UBE4B: variants seen among roughly 807,000 people sequenced by gnomAD.
UBE4B encodes ubiquitin conjugation factor E4 B.
In UBE4B, 27 loss-of-function variants were observed where a neutral mutation model predicts 148.1. That is an observed-to-expected ratio of 0.18 (90% CI 0.13 to 0.25). The LOEUF (loss-of-function observed/expected upper bound fraction) is 0.25. Ranked by LOEUF, UBE4B falls within the 10% of genes least tolerant of loss-of-function variation. The probability of loss-of-function intolerance (pLI) is 1.00; values close to 1 mark genes in which losing one functional copy is unlikely to be tolerated. For synonymous variants in UBE4B, 596 were observed against 619.3 expected (o/e 0.96, Z 0.56); for missense variants, 1,170 against 1,662.4 (o/e 0.70, Z 5.15).
chr1:10,138,062 G>A (rs1645722396), intron 17 of UBE4B, among the ~76,000 whole-genome samples: 4 of 147,132 alleles, frequency 2.7e-5, no homozygotes, highest in South Asian at 4.3e-4. Flanking sequence ...AGCCTCCCGA[G>A]TAGCTGGGAT....
intron 1 of UBE4B, among the ~76,000 whole-genome samples, chr1:10,040,423 G>A (rs373085194): frequency 1.1e-4 from 16 of 151,614 alleles, no homozygotes; most frequent in African/African-American, 3.6e-4. Context: ...GCTAATTTTT[G>A]TATATTTTGT....
At chr1:10,145,174 A>G (rs1645848752) in intron 18 of UBE4B, 135 bp downstream of exon 18, 1 of 616,958 alleles carries the variant, frequency 1.6e-6, no homozygotes, top group South Asian at 2.6e-5. Context: ...ATAAAATAGT[A>G]TATTTTAAAA....
chr1:10,175,580 G>A (rs1454886376), intron 25 of UBE4B, among the ~76,000 whole-genome samples: 4 of 152,120 alleles, frequency 2.6e-5, no homozygotes, highest in Admixed American at 2.0e-4. Flanking sequence ...GAACCTGGGA[G>A]GTGGAGCTTG....
intron 2 of UBE4B, among the ~76,000 whole-genome samples, chr1:10,092,020 GAT>G (rs1390079946): frequency 6.6e-6 from 1 of 152,066 alleles, no homozygotes; most frequent in Non-Finnish European, 1.5e-5. Context: ...AAAGTGCTGG[GAT>G]TACAGATGTG....
intron 10 of UBE4B, among the ~76,000 whole-genome samples, chr1:10,126,302 TATAG>T (rs71583842): frequency 0.28 from 41,684 of 147,176 alleles, 5,915 homozygotes; most frequent in South Asian, 0.34. Flanking sequence ...TCCGTCTCAA[TATAG>T]ATAGATAGAT....
intron 10 of UBE4B, among the ~76,000 whole-genome samples, chr1:10,124,729 GATAA>G (rs145005942): frequency 0.086 from 13,014 of 152,190 alleles, 885 homozygotes; most frequent in African/African-American, 0.2. Flanking sequence ...AATGTTCACA[GATAA>G]ATAAATAGCA....
chr1:10,040,643 G>A (rs1050387829), intron 1 of UBE4B, among the ~76,000 whole-genome samples: 3 of 149,704 alleles, frequency 2.0e-5, no homozygotes. Context: ...TTGAGATGGA[G>A]TTTCGCTCTT....
intron 10 of UBE4B, among the ~76,000 whole-genome samples, chr1:10,124,239 G>A (rs1557575081): frequency 6.6e-6 from 1 of 151,688 alleles, no homozygotes; most frequent in Non-Finnish European, 1.5e-5. Flanking sequence ...TCAGCTCACT[G>A]CAACTTCCAC....
At chr1:10,100,951 G>C in intron 3 of UBE4B, 157 bp from the exon 4 acceptor site, 1 of 631,608 alleles carries the variant, frequency 1.6e-6, no homozygotes, top group Non-Finnish European at 2.7e-6. Flanking sequence ...CCTAATTTAT[G>C]AAGAACTCTT....
At chr1:10,126,233 C>G (rs1645491326) in intron 10 of UBE4B, among the ~76,000 whole-genome samples, 1 of 151,994 alleles carries the variant, frequency 6.6e-6, no homozygotes, top group Non-Finnish European at 1.5e-5. Flanking sequence ...CCCAGAGGCA[C>G]AGGTTGCAGT....
intron 17 of UBE4B, among the ~76,000 whole-genome samples, chr1:10,142,465 G>A (rs944224056): frequency 5.3e-5 from 8 of 152,188 alleles, no homozygotes; most frequent in Non-Finnish European, 1.0e-4. Flanking sequence ...GAGGTCAGGA[G>A]TTCGAGACCA....
intron 11 of UBE4B, 65 bp downstream of exon 11, chr1:10,126,942 T>C (rs781631565): frequency 1.1e-4 from 155 of 1,400,954 alleles, no homozygotes; most frequent in Non-Finnish European, 1.5e-4. Context: ...TATTTTGACA[T>C]ATACTTTTCT....
rs914451747 is a variant in UBE4B at position 10,130,460 on chromosome 1, C to A, written c.1696-40C>A. ...TTCATTACATTTTTACCCCACCGGC[C>A]TGTTCAGCGGCTTGACTGGCTCTTC... is the stretch of plus-strand genomic sequence containing the variant. On this transcript the variant is annotated intron_variant, in intron 12 of 27. Coordinates refer to ENST00000343090, the MANE Select transcript of UBE4B (RefSeq NM_001105562.3). 2.6e-6 allele frequency: 4 copies of A among 1,536,962 alleles called. No homozygotes were observed. The Admixed American group carries it at 5.0e-5, about 19-fold the overall frequency.
At chr1:10,103,179 C>T in intron 5 of UBE4B, 87 bp downstream of exon 5, 2 of 1,367,046 alleles carry the variant, frequency 1.5e-6, no homozygotes, top group Non-Finnish European at 2.0e-6. Flanking sequence ...TCCACATTCA[C>T]TCCATCTTGC....
intron 1 of UBE4B, among the ~76,000 whole-genome samples, chr1:10,046,318 C>A (rs1481475925): frequency 6.6e-6 from 1 of 152,172 alleles, no homozygotes; most frequent in Non-Finnish European, 1.5e-5. Context: ...CCAAACCCTT[C>A]TCCCGAGGGA....
chr1:10,179,484 A>G lies in UBE4B; in HGVS notation c.3769A>G (p.Ile1257Val), dbSNP rs144332718. 3.8e-5 allele frequency: 62 copies of G among 1,613,956 alleles called. 1 individual carries two copies. In the African/African-American group the frequency reaches 7.7e-4, roughly 20 times the overall value. Residue 1257 changes from isoleucine to valine, a missense_variant, in exon 27 of 28, where the codon ATC becomes GTC. Ile to Val is a conservative substitution (Grantham distance 29, BLOSUM62 3). Coordinates refer to ENST00000343090, the MANE Select transcript of UBE4B (RefSeq NM_001105562.3). The stretch of plus-strand genomic sequence containing the variant: ...CTCTGGCACCATCATGGACCGCTCC[A>G]TCATCCTGCGGCACCTGCTCAACTC... ...LPSGTIMDRSIILRHLLNSPT... is the reference protein window; with the variant it reads ...LPSGTIMDRSVILRHLLNSPT...
chr1:10,088,910 C>T (rs959253357), intron 2 of UBE4B, among the ~76,000 whole-genome samples: 3 of 152,138 alleles, frequency 2.0e-5, no homozygotes, highest in Admixed American at 6.5e-5. Context: ...ACCTCCTGGG[C>T]TCAAGCGATC....
rs567744011 is a variant in UBE4B at position 10,158,277 on chromosome 1, G to A, written c.2927-79G>A. 175 of 1,547,246 alleles carry A rather than the reference G, an allele frequency of 1.1e-4. 2 individuals are homozygous for A. In the Admixed American group the frequency reaches 3.2e-3, roughly 28 times the overall value. On this transcript the variant is annotated intron_variant, in intron 21 of 27. Transcript: ENST00000343090. ...GATTTTGCAGGTTTACATTCACTCAGTATCATTGTTGGGGCAATAACTGGA... is the reference window on the plus strand; with the variant it reads ...GATTTTGCAGGTTTACATTCACTCAATATCATTGTTGGGGCAATAACTGGA...
intron 7 of UBE4B, among the ~76,000 whole-genome samples, chr1:10,116,889 AC>A (rs1570921733): frequency 6.6e-6 from 1 of 152,144 alleles, no homozygotes; most frequent in Non-Finnish European, 1.5e-5. Flanking sequence ...CTTTTACTAT[AC>A]TACTTTACCT....
Sources: gnomAD v4.1 joint callset for allele counts (sites outside exome capture counted in the v4.1 genomes callset) on GRCh38, gnomAD v4.1.1 for gene constraint, MANE v1.5 for transcripts, NCBI Gene and HGNC (gene_info 2026-07-23, HGNC 2026-07-21) for gene names.